The following DIAPH2 variants were observed in gnomAD, a reference collection of about 807,000 sequenced individuals.
The protein encoded by DIAPH2 is protein diaphanous homolog 2.
In DIAPH2, 35 loss-of-function variants were observed where a neutral mutation model predicts 92.7. The observed-to-expected ratio is 0.38, with a 90% confidence interval of 0.29 to 0.50. The LOEUF (loss-of-function observed/expected upper bound fraction) is 0.50. Ranked by LOEUF, DIAPH2 falls within the 20% of genes least tolerant of loss-of-function variation. The probability of loss-of-function intolerance (pLI) is 0.94; values close to 1 mark genes in which losing one functional copy is unlikely to be tolerated. For missense variants in DIAPH2, 701 were observed against 819.5 expected (o/e 0.86, Z 1.77); for synonymous variants, 301 against 280.4 (o/e 1.07, Z -0.73).
intron 5 of DIAPH2, chrX:96,884,599 A>G (rs1243052787): frequency 8.3e-6 from 10 of 1,210,536 alleles, no homozygotes; most frequent in Non-Finnish European, 1.1e-5. Flanking sequence ...AATTGATGAT[A>G]TGACCGCGAA....
intron 26 of DIAPH2, chrX:97,469,903 C>G: frequency 1.2e-6 from 1 of 865,553 alleles, no homozygotes; most frequent in Non-Finnish European, 1.5e-6. Flanking sequence ...TGCTATATGC[C>G]CCTTAATACC....
intron 17 of DIAPH2, among the ~76,000 whole-genome samples, chrX:96,999,518 A>AT (rs1187902867): frequency 1.9e-5 from 2 of 107,953 alleles, no homozygotes; most frequent in Admixed American, 2.0e-4. Flanking sequence ...AAAAAAAAAA[A>AT]AAGAGTCTAA....
At chrX:97,331,818 A>G (rs2069004235) in intron 23 of DIAPH2, among the ~76,000 whole-genome samples, 1 of 111,965 alleles carries the variant, frequency 8.9e-6, no homozygotes, top group Non-Finnish European at 1.9e-5. Context: ...ATGGATTCTG[A>G]TCTTCAAACT....
chrX:97,553,960 C>T (rs930225446), intron 26 of DIAPH2, among the ~76,000 whole-genome samples: 1 of 111,708 alleles, frequency 9.0e-6, no homozygotes, highest in African/African-American at 3.3e-5. Context: ...TACACTAGTA[C>T]ATGTGTATAT....
intron 23 of DIAPH2, among the ~76,000 whole-genome samples, chrX:97,253,389 G>A (rs2068207178): frequency 9.0e-6 from 1 of 110,852 alleles, no homozygotes; most frequent in African/African-American, 3.3e-5. Flanking sequence ...CTTGACAATG[G>A]TACTGGTCAA....
At chrX:97,487,565 C>T (rs1223433689) in intron 26 of DIAPH2, among the ~76,000 whole-genome samples, 2 of 111,849 alleles carry the variant, frequency 1.8e-5, no homozygotes, top group African/African-American at 6.5e-5. Flanking sequence ...TGAGCCACCG[C>T]GCCCGGCCTC....
intron 4 of DIAPH2, among the ~76,000 whole-genome samples, chrX:96,795,248 C>T (rs1465291711): frequency 9.0e-6 from 1 of 111,166 alleles, no homozygotes; most frequent in Non-Finnish European, 1.9e-5. Flanking sequence ...TTGTAGGTCA[C>T]AGGTTATCTC....
chrX:97,410,826 G>C (rs905686843), intron 25 of DIAPH2, among the ~76,000 whole-genome samples: 1 of 111,838 alleles, frequency 8.9e-6, no homozygotes, highest in African/African-American at 3.3e-5. Context: ...TCAAATTAAT[G>C]AAATAAAGCG....
intron 21 of DIAPH2, among the ~76,000 whole-genome samples, chrX:97,117,807 C>T (rs1227704073): frequency 8.9e-6 from 1 of 111,810 alleles, no homozygotes; most frequent in East Asian, 2.8e-4. Flanking sequence ...TGTTAATTTG[C>T]AGCAGTGAAT....
intron 4 of DIAPH2, among the ~76,000 whole-genome samples, chrX:96,825,102 C>T (rs1173525092): frequency 9.7e-6 from 1 of 103,335 alleles, no homozygotes; most frequent in Admixed American, 1.1e-4. Flanking sequence ...CATGCCACCA[C>T]GCCTGGCTAA....
At chrX:97,342,462 A>G (rs1426239371) in intron 23 of DIAPH2, among the ~76,000 whole-genome samples, 3 of 112,440 alleles carry the variant, frequency 2.7e-5, no homozygotes, top group African/African-American at 9.7e-5. Context: ...TTATTTTTTT[A>G]TCTCAGAAAG....
intron 20 of DIAPH2, among the ~76,000 whole-genome samples, chrX:97,108,719 A>G (rs2066959256): frequency 8.9e-6 from 1 of 112,297 alleles, no homozygotes; most frequent in Admixed American, 9.5e-5. Flanking sequence ...TGATTTTGTA[A>G]TAATACAATT....
chrX:97,064,865 T>C (rs976206997), intron 17 of DIAPH2, among the ~76,000 whole-genome samples: 6 of 110,964 alleles, frequency 5.4e-5, no homozygotes, highest in African/African-American at 1.6e-4. Flanking sequence ...AAGTCCTACA[T>C]TGTCAATTTG....
chrX:97,006,542 C>T (rs2066183913), intron 17 of DIAPH2, among the ~76,000 whole-genome samples: 1 of 112,119 alleles, frequency 8.9e-6, no homozygotes, highest in African/African-American at 3.2e-5. Context: ...GACCTTGTCT[C>T]TCTCTTCTTA....
intron 26 of DIAPH2, among the ~76,000 whole-genome samples, chrX:97,449,080 T>G (rs1203394126): frequency 1.8e-5 from 2 of 112,060 alleles, no homozygotes; most frequent in Non-Finnish European, 3.8e-5. Context: ...TTTGCTATGT[T>G]AATTTTTTAC....
chrX:97,390,947 A>G (rs1179476834), intron 25 of DIAPH2, among the ~76,000 whole-genome samples: 1 of 111,895 alleles, frequency 8.9e-6, no homozygotes, highest in African/African-American at 3.2e-5. Flanking sequence ...CCATAGCTCT[A>G]TTTACGTATC....
intron 4 of DIAPH2, among the ~76,000 whole-genome samples, chrX:96,875,108 T>C (rs1476370654): frequency 8.9e-6 from 1 of 112,499 alleles, no homozygotes; most frequent in African/African-American, 3.2e-5. Flanking sequence ...TCAGGCTATT[T>C]GTATGAGTTG....
chrX:96,818,422 A>G (rs2064755178), intron 4 of DIAPH2, among the ~76,000 whole-genome samples: 1 of 111,854 alleles, frequency 8.9e-6, no homozygotes, highest in Non-Finnish European at 1.9e-5. Context: ...TTGGGGGAAT[A>G]GTATCCACTA....
At chrX:97,545,522 GAAAAA>G (rs533114886) in intron 26 of DIAPH2, among the ~76,000 whole-genome samples, 2 of 67,030 alleles carry the variant, frequency 3.0e-5, no homozygotes, top group Admixed American at 3.6e-4. Context: ...TAAGTTTGAT[GAAAAA>G]AAAAAAATAT....
Sources: allele counts gnomAD v4.1 joint callset (sites outside exome capture counted in the v4.1 genomes callset), GRCh38; gene constraint gnomAD v4.1.1; transcripts MANE v1.5; gene names NCBI Gene and HGNC (gene_info 2026-07-23, HGNC 2026-07-21).